WWTR1: variants seen among roughly 807,000 people sequenced by gnomAD.
The protein encoded by WWTR1 is WW domain containing transcription regulator 1.
In WWTR1, 13 loss-of-function variants were observed where a neutral mutation model predicts 40.1. The ratio of observed to expected loss-of-function variants is 0.32; its 90% CI spans 0.21 to 0.52. The LOEUF is 0.52. Among genes scored for constraint, WWTR1 ranks in the 20% least tolerant of loss-of-function variants. The pLI is 0.97. For synonymous variants in WWTR1, 230 were observed against 210.1 expected (o/e 1.09, Z -0.82); for missense variants, 436 against 523.1 (o/e 0.83, Z 1.63).
At chr3:149,648,380 A>G (rs1712654763) in intron 2 of WWTR1, among the ~76,000 whole-genome samples, 3 of 152,108 alleles carry the variant, frequency 2.0e-5, no homozygotes, top group Admixed American at 1.3e-4. Flanking sequence ...CAAGACAAAC[A>G]TCGTTCTTCC....
intron 2 of WWTR1, among the ~76,000 whole-genome samples, chr3:149,655,051 G>A (rs148860918): frequency 0.07 from 10,497 of 149,108 alleles, 393 homozygotes; most frequent in East Asian, 0.13. Context: ...GCGTGAACCC[G>A]GTAGGCGGAG....
At chr3:149,571,214 CTTTTTTTTTTTT>C (rs10535515) in intron 3 of WWTR1, among the ~76,000 whole-genome samples, 3 of 101,274 alleles carry the variant, frequency 3.0e-5, no homozygotes, top group Non-Finnish European at 5.7e-5. Flanking sequence ...TTTTTCTTTT[CTTTTTTTTTTTT>C]TTTTTTTTTT....
At chr3:149,688,857 T>A (rs1002176662) in intron 1 of WWTR1, among the ~76,000 whole-genome samples, 4 of 152,052 alleles carry the variant, frequency 2.6e-5, no homozygotes, top group African/African-American at 9.7e-5. Flanking sequence ...GAGACAGAAT[T>A]CAAAATAGCT....
Position 149,519,508 on chromosome 3 carries a change from T to C in WWTR1, c.*1297A>G, listed in dbSNP as rs1734942241. The C allele has an allele frequency of 6.6e-6, 1 of 152,210 alleles. No individual in the cohort carries two copies. Among genetic ancestry groups the C allele is most frequent in the Non-Finnish European group, 1.5e-5 (1 of 68,032 alleles). 9.4% of individuals were successfully genotyped at this position (152,210 alleles called of 1,614,324 possible). A position where few individuals can be genotyped will look rare whatever the true frequency, so the allele number is the denominator to read the frequency against. ...TTAAAAAGCAACAGCTCACTGTGTG[T>C]GGTGTGCTATCAGGTTGAAATCTAT... is the stretch of plus-strand genomic sequence containing the variant. On this transcript the variant is annotated 3_prime_UTR_variant, in exon 7 of 7. Transcript: ENST00000360632.
chr3:149,589,248 A>G (rs955705529), intron 2 of WWTR1, among the ~76,000 whole-genome samples: 1 of 152,202 alleles, frequency 6.6e-6, no homozygotes, highest in African/African-American at 2.4e-5. Flanking sequence ...CATTTATTGT[A>G]TCTAGAAAGA....
chr3:149,542,393 T>C lies in WWTR1; in HGVS notation c.713A>G (p.Gln238Arg). 1 of 1,614,148 alleles carries C rather than the reference T, an allele frequency of 6.2e-7. No individual in the cohort carries two copies. The highest frequency in any genetic ancestry group is 8.5e-7 in the Non-Finnish European group (1 of 1,179,990). ...QQQQQQKLRL[Q>R]RIQMERERIR... The stretch of plus-strand genomic sequence containing the variant: ...CCTTTCTCTCTCCATCTGGATTCTC[T>C]GAAGCCGCAGTTTCTGCTGCTGCTG... The change falls in exon 4 of 7, where the codon CAG becomes CGG. Residue 238 changes from glutamine (Q) to arginine (R), a missense_variant. Gln to Arg is a conservative substitution (Grantham distance 43). Transcript: ENST00000360632.
chr3:149,580,231 C>T (rs909062588), intron 2 of WWTR1, among the ~76,000 whole-genome samples: 1 of 152,174 alleles, frequency 6.6e-6, no homozygotes, highest in African/African-American at 2.4e-5. Flanking sequence ...TCTTACATTT[C>T]TTTTAGTAGT....
intron 2 of WWTR1, among the ~76,000 whole-genome samples, chr3:149,578,165 G>A (rs1737977024): frequency 6.6e-6 from 1 of 152,080 alleles, no homozygotes; most frequent in African/African-American, 2.4e-5. Flanking sequence ...CCTACTGCCA[G>A]ACTCTGTGGG....
intron 2 of WWTR1, among the ~76,000 whole-genome samples, chr3:149,625,100 C>CTTTT (rs759849000): frequency 1.0e-5 from 1 of 96,382 alleles, no homozygotes; most frequent in African/African-American, 3.8e-5. Flanking sequence ...CAACTCTACC[C>CTTTT]TTTTTTTTTT....
At chr3:149,673,541 C>G (rs4681540) in intron 1 of WWTR1, among the ~76,000 whole-genome samples, 56,265 of 152,050 alleles carry the variant, frequency 0.37, 10,790 homozygotes, top group Middle Eastern at 0.55. Context: ...TTGGTATGTG[C>G]TTGGTATGGA....
chr3:149,721,871 C>G (rs1024083586), intron 4 of WWTR1, among the ~76,000 whole-genome samples: 11 of 152,082 alleles, frequency 7.2e-5, no homozygotes, highest in African/African-American at 2.7e-4. Context: ...GATTTTATTT[C>G]ATGGGATATT....
At chr3:149,540,985 C>T (rs116083975) in intron 4 of WWTR1, 91 of 453,510 alleles carry the variant, frequency 2.0e-4, no homozygotes, top group African/African-American at 1.7e-3. Flanking sequence ...TTGAAAGTAT[C>T]AAATGTAGCT....
At chr3:149,574,865 C>A (rs1343535339) in intron 2 of WWTR1, among the ~76,000 whole-genome samples, 1 of 151,138 alleles carries the variant, frequency 6.6e-6, no homozygotes, top group African/African-American at 2.4e-5. Context: ...GAGGCCGAGG[C>A]GGGTGGATCA....
chr3:149,707,883 C>T (rs1290964183), upstream of WWTR1, among the ~76,000 whole-genome samples: 5 of 149,142 alleles, frequency 3.4e-5, no homozygotes, highest in Non-Finnish European at 7.5e-5. Context: ...ATTGGTATGG[C>T]CAACAGTATG....
rs972621686 is a variant in WWTR1, at chr3:149,618,836, G to A, written c.431+38040C>T. On this transcript the variant is annotated intron_variant, in intron 2 of 6. Transcript: ENST00000360632. ...GCTCCAACTGAGAGGGCAGTGACAC[G>A]ACAAGTACAATCCTGTCCCCTCTTC... Among the ~76,000 whole-genome samples, 3 of 152,072 alleles carry A rather than the reference G, an allele frequency of 2.0e-5. 1 individual carries two copies. Among genetic ancestry groups the A allele is most frequent in the South Asian group, 4.2e-4 (2 of 4,816 alleles).
chr3:149,520,821 A>G lies in WWTR1; in HGVS notation c.1187T>C (p.Phe396Ser). Residue 396 changes from phenylalanine (F) to serine (S), a missense_variant, in exon 7 of 7, where the codon TTT becomes TCT. Phe to Ser is a radical substitution (Grantham distance 155). Coordinates refer to ENST00000360632, the MANE Select transcript of WWTR1 (RefSeq NM_015472.6). ...TGGTAGTGATTACAGCCAGGTTAGA[A>G]AGGGCTCACTTTTGTTCAGAGCAGA... ...VESALNKSEP[F>S]LTWL 1.3e-6 allele frequency: 2 copies of G among 1,598,290 alleles called. No homozygotes were observed. The highest frequency in any genetic ancestry group is 1.7e-6 in the Non-Finnish European group (2 of 1,174,370).
At chr3:149,686,674 A>T (rs1270142411) in intron 1 of WWTR1, among the ~76,000 whole-genome samples, 1 of 152,158 alleles carries the variant, frequency 6.6e-6, no homozygotes, top group African/African-American at 2.4e-5. Context: ...GATTATTATG[A>T]TTGGTGTAGA....
chr3:149,668,156 T>C (rs183986637), intron 2 of WWTR1, among the ~76,000 whole-genome samples: 2 of 152,326 alleles, frequency 1.3e-5, no homozygotes, highest in Non-Finnish European at 1.5e-5. Context: ...TTTTTAGGTA[T>C]CCACTTCTCT....
intron 2 of WWTR1, among the ~76,000 whole-genome samples, chr3:149,613,632 AC>A (rs1291078329): frequency 9.9e-5 from 15 of 151,888 alleles, no homozygotes; most frequent in African/African-American, 3.6e-4. Context: ...TGCAGCCTCG[AC>A]CCTCCCTGAG....
Sources: allele counts gnomAD v4.1 joint callset (sites outside exome capture counted in the v4.1 genomes callset), GRCh38; gene constraint gnomAD v4.1.1; transcripts MANE v1.5; gene names NCBI Gene and HGNC (gene_info 2026-07-23, HGNC 2026-07-21).